MINAR2: variants seen among roughly 807,000 people sequenced by gnomAD.
The protein encoded by MINAR2 is major intrinsically disordered NOTCH2-binding receptor 1-like.
Under a neutral mutation model 16.1 loss-of-function variants are expected in MINAR2, and 21 were observed. That is an observed-to-expected ratio of 1.31 (90% CI 0.93 to 1.88). MINAR2 has a LOEUF of 1.88. Ranked by LOEUF, MINAR2 falls within the 40% of genes most tolerant of loss-of-function variation. The pLI, the probability that MINAR2 is intolerant of heterozygous loss-of-function variation, is 0.00. For missense variants in MINAR2, 259 were observed against 229.8 expected (o/e 1.13, Z -0.82); for synonymous variants, 86 against 83.0 (o/e 1.04, Z -0.20).
At chr5:129,754,017 T>G (rs562940219) in intron 1 of MINAR2, among the ~76,000 whole-genome samples, 1 of 152,216 alleles carries the variant, frequency 6.6e-6, no homozygotes, top group African/African-American at 2.4e-5. Flanking sequence ...GATTAGGGAA[T>G]TGGCCACGGA....
intron 1 of MINAR2, among the ~76,000 whole-genome samples, chr5:129,757,374 G>T (rs1358888128): frequency 6.6e-6 from 1 of 151,904 alleles, no homozygotes; most frequent in South Asian, 2.1e-4. Flanking sequence ...GTTTACATTT[G>T]TCTAGTATAA....
At chr5:129,762,501 G>A in intron 2 of MINAR2, 1 of 285,562 alleles carries the variant, frequency 3.5e-6, no homozygotes, top group South Asian at 5.0e-5. Context: ...GTTGCCATAG[G>A]CTTACCTATG....
chr5:129,756,248 G>T (rs1432407352), intron 1 of MINAR2, among the ~76,000 whole-genome samples: 2 of 151,798 alleles, frequency 1.3e-5, no homozygotes, highest in African/African-American at 4.8e-5. Flanking sequence ...TTTAAAATAA[G>T]TATTTTCAAT....
rs200313550 is a variant in MINAR2 at position 129,752,550 on chromosome 5, C to CAT, written c.165+4196_165+4197dup. On this transcript the variant is annotated intron_variant, in intron 1 of 2. Transcript: ENST00000564719. ...GAACATGTGGACGCAGGGAGGGGAA[C>CAT]ATCACACATCAGGACCTGTCCGGGG... is the stretch of plus-strand genomic sequence containing the variant. 8.5e-3 allele frequency among the ~76,000 whole-genome samples: 1,294 copies of CAT among 152,192 alleles called. 9 individuals carry two copies. Among genetic ancestry groups the CAT allele is most frequent in the Non-Finnish European group, 0.012 (832 of 68,002 alleles).
In MINAR2 at chr5:129,760,706, C is replaced by T. The variant is rs191601186; in HGVS notation, c.393+101C>T. 1.8e-3 allele frequency: 1,516 copies of T among 840,226 alleles called. 7 individuals carry two copies. Among genetic ancestry groups the T allele is most frequent in the South Asian group, 7.0e-3 (389 of 55,892 alleles). 52.0% of individuals were successfully genotyped at this position (840,226 alleles called of 1,614,324 possible). The stretch of plus-strand genomic sequence containing the variant: ...GAAGTGACAGGTACTCTTCACTAGG[C>T]GCAGAATCTCTAGATTTCAGAGCAT... On this transcript the variant is annotated intron_variant, in intron 2 of 2. Transcript: ENST00000564719.
chr5:129,752,619 G>T (rs1312023965), intron 1 of MINAR2, among the ~76,000 whole-genome samples: 1 of 152,128 alleles, frequency 6.6e-6, no homozygotes, highest in Non-Finnish European at 1.5e-5. Context: ...AATACCTAAT[G>T]CATGCAGGGC....
intron 1 of MINAR2, among the ~76,000 whole-genome samples, chr5:129,749,734 G>T (rs1297403212): frequency 2.0e-5 from 3 of 152,150 alleles, no homozygotes; most frequent in Non-Finnish European, 4.4e-5. Context: ...TTCCTTTGAG[G>T]TTGGAACACA....
chr5:129,764,713 T>G (rs1459624277), intron 2 of MINAR2, among the ~76,000 whole-genome samples, 171 bp from the exon 3 acceptor site: 1 of 151,904 alleles, frequency 6.6e-6, no homozygotes, highest in African/African-American at 2.4e-5. Flanking sequence ...TTTTATGCTA[T>G]TCAAGGAAGC....
At chr5:129,757,187 G>T (rs2149545873) in intron 1 of MINAR2, among the ~76,000 whole-genome samples, 1 of 151,842 alleles carries the variant, frequency 6.6e-6, no homozygotes, top group East Asian at 1.9e-4. Flanking sequence ...AAAATCTTGT[G>T]AAAGATTTCA....
chr5:129,753,194 C>T (rs1758007458), intron 1 of MINAR2, among the ~76,000 whole-genome samples: 1 of 151,962 alleles, frequency 6.6e-6, no homozygotes, highest in African/African-American at 2.4e-5. Flanking sequence ...TTGAAAAAAA[C>T]AGTGCTGGGG....
intron 1 of MINAR2, among the ~76,000 whole-genome samples, chr5:129,750,387 A>G (rs573959875): frequency 6.6e-6 from 1 of 152,296 alleles, no homozygotes; most frequent in African/African-American, 2.4e-5. Flanking sequence ...AATAGTTCTT[A>G]ATTTAAAGCT....
At chr5:129,751,093 T>C (rs951765441) in intron 1 of MINAR2, among the ~76,000 whole-genome samples, 1 of 152,238 alleles carries the variant, frequency 6.6e-6, no homozygotes, top group Non-Finnish European at 1.5e-5. Context: ...AATTCTTAAA[T>C]ATTGGTATCA....
Position 129,748,120 on chromosome 5 carries a change from C to T in MINAR2, c.-71C>T. ...GATGCAGTCAGAGCATCCTCAGGCA[C>T]ATTAATAATGGAGGAGTCTGACAAG... On this transcript the variant is annotated 5_prime_UTR_variant, in exon 1 of 3. Transcript: ENST00000564719. 5 of 1,404,378 alleles carry T rather than the reference C, an allele frequency of 3.6e-6. No homozygotes were observed. Among genetic ancestry groups the T allele is most frequent in the Non-Finnish European group, 3.8e-6 (4 of 1,042,030 alleles). The allele number at this position is 1,404,378 out of a possible 1,614,324, so 87.0% of individuals were successfully genotyped here. A position where few individuals can be genotyped will look rare whatever the true frequency, so the allele number is the denominator to read the frequency against.
At chr5:129,750,862 C>G (rs141862410) in intron 1 of MINAR2, among the ~76,000 whole-genome samples, 1 of 152,070 alleles carries the variant, frequency 6.6e-6, no homozygotes, top group Non-Finnish European at 1.5e-5. Flanking sequence ...CGTCAACCTG[C>G]GTGACTAAAC....
Position 129,760,304 on chromosome 5 carries a change from T to C in MINAR2, c.166-74T>C, listed in dbSNP as rs143573309. 480 of 1,053,058 alleles carry C rather than the reference T, an allele frequency of 4.6e-4. 1 individual carries two copies. The African/African-American group carries it at 6.9e-3, about 15-fold the overall frequency. 65.2% of individuals were successfully genotyped at this position (1,053,058 alleles called of 1,614,324 possible). A position where few individuals can be genotyped will look rare whatever the true frequency, so the allele number is the denominator to read the frequency against. ...TGCACAAAATCAGCACATTATCAGG[T>C]AGTTATCTCACATTGCATTCCCTAC... is the stretch of plus-strand genomic sequence containing the variant. On this transcript the variant is annotated intron_variant, in intron 1 of 2. Transcript: ENST00000564719.
At position 129,765,178 on chromosome 5, in the gene MINAR2, T is replaced by C; in HGVS notation, c.*115T>C. 2.0e-6 allele frequency: 1 copy of C among 496,492 alleles called. No individual in the cohort carries two copies. The highest frequency in any genetic ancestry group is 3.2e-6 in the Non-Finnish European group (1 of 313,414). The allele number at this position is 496,492 out of a possible 1,614,324, so 30.8% of individuals were successfully genotyped here. A position where few individuals can be genotyped will look rare whatever the true frequency, so the allele number is the denominator to read the frequency against. On this transcript the variant is annotated 3_prime_UTR_variant, in exon 3 of 3. Transcript: ENST00000564719. ...CACATGTACATGCAGTGTGAATGGATTGTTGATTGTATTATTAAATGTAAT... is the reference window on the plus strand; with the variant it reads ...CACATGTACATGCAGTGTGAATGGACTGTTGATTGTATTATTAAATGTAAT...
chr5:129,749,396 T>C (rs1757958680), intron 1 of MINAR2, among the ~76,000 whole-genome samples: 1 of 152,148 alleles, frequency 6.6e-6, no homozygotes, highest in Admixed American at 6.6e-5. Context: ...TACACTCAAA[T>C]GATTATGTAA....
intron 1 of MINAR2, among the ~76,000 whole-genome samples, chr5:129,754,424 C>A (rs1006550723): frequency 6.6e-6 from 1 of 152,146 alleles, no homozygotes; most frequent in Non-Finnish European, 1.5e-5. Flanking sequence ...GAAATACATG[C>A]AAAATGCCTT....
At chr5:129,758,935 A>G (rs1364668672) in intron 1 of MINAR2, among the ~76,000 whole-genome samples, 2 of 152,128 alleles carry the variant, frequency 1.3e-5, no homozygotes, top group African/African-American at 4.8e-5. Flanking sequence ...TGAGCAGACC[A>G]AGGACCTATT....
Sources: allele counts gnomAD v4.1 joint callset (sites outside exome capture counted in the v4.1 genomes callset), GRCh38; gene constraint gnomAD v4.1.1; transcripts MANE v1.5; gene names NCBI Gene and HGNC (gene_info 2026-07-23, HGNC 2026-07-21).